Variants in EPPK1 observed in about 807,000 individuals in gnomAD.
EPPK1 encodes the protein epiplakin.
For synonymous variants in EPPK1, 1,862 were observed against 1,721.2 expected, an observed-to-expected ratio of 1.08 and a Z score of -2.03; for missense variants, 3,823 against 3,673.3, an observed-to-expected ratio of 1.04 and a Z score of -1.05.
In EPPK1 at chr8:143,871,302, C is replaced by T; in HGVS notation, c.1952G>A (p.Gly651Asp). The change falls in exon 2 of 2, where the codon GGC (glycine) becomes GAC (aspartate). Residue 651 changes from glycine (G) to aspartate (D), a missense_variant. Coordinates refer to ENST00000615648, the MANE Select transcript of EPPK1 (RefSeq NM_031308.4). ...GTTTGCTTTTGGGTCGATGATGAAG[C>T]CTGTGGCAGCTTGTGCCTCCAGAAG... ...LILLEAQAATGFIIDPKANKG... is the reference protein window; with the variant it reads ...LILLEAQAATDFIIDPKANKG... 1 of 1,612,482 alleles carries T rather than the reference C, an allele frequency of 6.2e-7. No homozygotes were observed. The highest frequency in any genetic ancestry group is 1.1e-5 in the South Asian group (1 of 91,018).
chr8:143,867,085 G>C lies in EPPK1; in HGVS notation c.6169C>G (p.Pro2057Ala). ...QKHMRKRFVD[P>A]NTQEKVSYRE... Reference sequence around the variant, plus strand: ...TACGAGACCTTCTCTTGCGTGTTCGGGTCCACAAACCGTTTCCTCATGTGC... The same window carrying C: ...TACGAGACCTTCTCTTGCGTGTTCGCGTCCACAAACCGTTTCCTCATGTGC... Residue 2057 changes from proline to alanine, a missense_variant, in exon 2 of 2, where the codon CCG (proline) becomes GCG (alanine). By Grantham distance (27) the Pro-to-Ala change is conservative. Coordinates refer to ENST00000615648, the MANE Select transcript of EPPK1 (RefSeq NM_031308.4). 6.2e-7 allele frequency: 1 copy of C among 1,612,934 alleles called. No individual in the cohort carries two copies. The highest frequency in any genetic ancestry group is 8.5e-7 in the Non-Finnish European group (1 of 1,179,864).
Position 143,870,897 on chromosome 8 carries a change from A to C in EPPK1, c.2357T>G (p.Val786Gly), listed in dbSNP as rs781929359. ...LTYLQLLERCVRDPETGLYLL... is the reference protein window; with the variant it reads ...LTYLQLLERCGRDPETGLYLL... ...GTACAGGCCCGTCTCGGGGTCACGCACACAGCGCTCCAGAAGCTGCAGGTA... is the reference window on the plus strand; with the variant it reads ...GTACAGGCCCGTCTCGGGGTCACGCCCACAGCGCTCCAGAAGCTGCAGGTA... The change falls in exon 2 of 2, where the codon GTG becomes GGG. Residue 786 changes from valine to glycine, a missense_variant. Val to Gly is a moderately radical substitution (Grantham distance 109). Transcript: ENST00000615648. This position sits in a 1 kb window ranked among gnomAD's most constrained non-coding sequence, Gnocchi z 5.2. 1.4e-5 allele frequency: 23 copies of C among 1,613,106 alleles called. No homozygotes were observed. The highest frequency in any genetic ancestry group is 1.7e-5 in the Non-Finnish European group (20 of 1,179,996).
In EPPK1 at chr8:143,869,376, A is replaced by G; in HGVS notation, c.3878T>C (p.Leu1293Pro). ...CTCCACTGACAGTCTCTGGTTGTTC[A>G]GGGGGTCAACAAGGAAGCCAGATGC... is the stretch of plus-strand genomic sequence containing the variant. ...QVASGFLVDP[L>P]NNQRLSVEDA... The change falls in exon 2 of 2, where the codon CTG (leucine) becomes CCG (proline). Residue 1293 changes from leucine to proline, a missense_variant. Coordinates refer to ENST00000615648, the MANE Select transcript of EPPK1 (RefSeq NM_031308.4). 6.2e-7 allele frequency: 1 copy of G among 1,610,590 alleles called. No homozygotes were observed. The highest frequency in any genetic ancestry group is 8.5e-7 in the Non-Finnish European group (1 of 1,179,088).
Position 143,873,056 on chromosome 8 carries a change from C to T in EPPK1, c.198G>A (p.Leu66=). ...GCAGAGCCTGCCCGAGCCCAGCAGG[C>T]AGGAGGCCCTGCTCCATGGCGGCGT... ...SVYAAMEQGL[L]PAGLGQALLE... Residue 66 remains leucine (L), a synonymous_variant, in exon 2 of 2, where the codon CTG becomes CTA. Transcript: ENST00000615648. 1.3e-6 allele frequency: 2 copies of T among 1,562,146 alleles called. No individual in the cohort carries two copies. The highest frequency in any genetic ancestry group is 1.7e-6 in the Non-Finnish European group (2 of 1,153,426).
rs111717556 is a variant in EPPK1 at position 143,868,191 on chromosome 8, C to T, written c.5063G>A (p.Gly1688Asp). The part of the protein sequence containing the change: ...IRLLEAQIAT[G>D]GIIDPVHSHR... ...GCTGTGCACGGGGTCGATGATGCCGCCCGTGGCGATCTGGGCCTCCAGCAG... is the reference window on the plus strand; with the variant it reads ...GCTGTGCACGGGGTCGATGATGCCGTCCGTGGCGATCTGGGCCTCCAGCAG... Residue 1688 changes from glycine to aspartate, a missense_variant, in exon 2 of 2, where the codon GGC becomes GAC. Physicochemically the swap from Gly to Asp is moderately conservative, Grantham distance 94. Coordinates refer to ENST00000615648, the MANE Select transcript of EPPK1 (RefSeq NM_031308.4). The T allele has an allele frequency of 1.2e-6, 2 of 1,613,064 alleles. No individual in the cohort carries two copies.
At position 143,867,486 on chromosome 8, in the gene EPPK1, G is replaced by C. The variant is rs200778068; in HGVS notation, c.5768C>G (p.Pro1923Arg). 200 of 1,612,530 alleles carry C rather than the reference G, an allele frequency of 1.2e-4. No individual in the cohort carries two copies. Among genetic ancestry groups the C allele is most frequent in the Admixed American group, 1.7e-5 (1 of 60,008 alleles). The change falls in exon 2 of 2, where the codon CCT becomes CGT. Residue 1923 changes from proline (P) to arginine (R), a missense_variant. Pro to Arg is a moderately radical substitution (Grantham distance 103). Transcript: ENST00000615648. ...CAGCAGCCAAGTCGCAAATGCTGCA[G>C]GGATGAGCTCCTTCCTGCTGGCCTC... ...LHEASRKELI[P>R]AAFATWLLEA...
intron 1 of EPPK1, among the ~76,000 whole-genome samples, chr8:143,877,320 C>T: frequency 6.6e-6 from 1 of 151,878 alleles, no homozygotes; most frequent in Non-Finnish European, 1.5e-5. Flanking sequence ...GACAGAGGGT[C>T]CGGAGCGAGG....
intron 1 of EPPK1, among the ~76,000 whole-genome samples, chr8:143,877,487 C>T (rs1006464603): frequency 1.3e-5 from 2 of 152,188 alleles, no homozygotes; most frequent in African/African-American, 4.8e-5. Context: ...GTGGATTCCC[C>T]ACTTCAGGTG....
rs1819285248 is a variant in EPPK1 at position 143,870,001 on chromosome 8, G to A, written c.3253C>T (p.Pro1085Ser). Residue 1085 changes from proline (P) to serine (S), a missense_variant, in exon 2 of 2, where the codon CCC (proline) becomes TCC (serine). Physicochemically the swap from Pro to Ser is moderately conservative, Grantham distance 74. Coordinates refer to ENST00000615648, the MANE Select transcript of EPPK1 (RefSeq NM_031308.4). The surrounding 1 kb of genome is among the most constrained non-coding windows in gnomAD (Gnocchi z 5.2). ...TALSSSSETF[P>S]TPDGQGRTSY... ...GTGCGCCCCTGGCCGTCCGGTGTGG[G>A]GAAGGTTTCGGAGGAGCTGGACAAG... The A allele has an allele frequency of 6.2e-7, 1 of 1,609,476 alleles. No homozygotes were observed. Among genetic ancestry groups the A allele is most frequent in the African/African-American group, 1.3e-5 (1 of 74,932 alleles).
chr8:143,871,847 TGA>T lies in EPPK1; in HGVS notation c.1405_1406del (p.Ser469ArgfsTer48). On this transcript the variant is annotated frameshift_variant, in exon 2 of 2. Coordinates refer to ENST00000615648, the MANE Select transcript of EPPK1 (RefSeq NM_031308.4). LOFTEE classifies it low-confidence loss of function (END_TRUNC). ...PETGLAFLPLSGGPRGGEPQG... is the reference protein window; with the variant it reads ...PETGLAFLPLXGGPRGGEPQG... Reference sequence around the variant, plus strand: ...GGGGCTCCCCTCCCCGGGGTCCCCCTGAGAGTGGCAGGAAGGCAAGCCCGGTC... The same window carrying T: ...GGGGCTCCCCTCCCCGGGGTCCCCCTGAGTGGCAGGAAGGCAAGCCCGGTC... 6.2e-7 allele frequency: 1 copy of T among 1,612,248 alleles called. No individual in the cohort carries two copies. The highest frequency in any genetic ancestry group is 8.5e-7 in the Non-Finnish European group (1 of 1,179,788).
At position 143,858,430 on chromosome 8, in the gene EPPK1, CGATGACGAAGCCGGT is replaced by C; in HGVS notation, c.14809_14823del (p.Thr4937_Ile4941del). On this transcript the variant is annotated inframe_deletion, in exon 2 of 2. Coordinates refer to ENST00000615648, the MANE Select transcript of EPPK1 (RefSeq NM_031308.4). The stretch of plus-strand genomic sequence containing the variant: ...GACAGCCTCAGGTTGCGCACGGGGT[CGATGACGAAGCCGGT>C]GGCCGCCTGCGCCTCCAGCAGCACC... The C allele has an allele frequency of 1.1e-6, 1 of 944,586 alleles. No individual in the cohort carries two copies. Among genetic ancestry groups the C allele is most frequent in the Non-Finnish European group, 1.5e-6 (1 of 683,314 alleles). 58.5% of individuals were successfully genotyped at this position (944,586 alleles called of 1,614,324 possible). A position where few individuals can be genotyped will look rare whatever the true frequency, so the allele number is the denominator to read the frequency against.
Position 143,868,986 on chromosome 8 carries a change from C to T in EPPK1, c.4268G>A (p.Cys1423Tyr). 4 of 1,610,224 alleles carry T rather than the reference C, an allele frequency of 2.5e-6. No homozygotes were observed. Among genetic ancestry groups the T allele is most frequent in the Middle Eastern group, 1.6e-4 (1 of 6,062 alleles). Reference sequence around the variant, plus strand: ...CAGCAACAATCCGGTCTCGGAGTCGCACACGCAGCGCTCCCTGAGCTGCTG... The same window carrying T: ...CAGCAACAATCCGGTCTCGGAGTCGTACACGCAGCGCTCCCTGAGCTGCTG... ...TYQQLRERCV[C>Y]DSETGLLLLP... is the part of the protein sequence containing the mutation. Residue 1423 changes from cysteine (C) to tyrosine (Y), a missense_variant, in exon 2 of 2, where the codon TGC (cysteine) becomes TAC (tyrosine). Cys to Tyr is a radical substitution (Grantham distance 194). Coordinates refer to ENST00000615648, the MANE Select transcript of EPPK1 (RefSeq NM_031308.4).
rs911900234 is a variant in EPPK1, at chr8:143,872,819, G to C, written c.435C>G (p.Ala145=). Residue 145 remains alanine, a synonymous_variant, in exon 2 of 2, where the codon GCC becomes GCG. Coordinates refer to ENST00000615648, the MANE Select transcript of EPPK1 (RefSeq NM_031308.4). ...GGACCTCCAGCCAGCTCTGCCCCAG[G>C]GCCCTGTCCACAACCTCCTTCCCGA... ...QAIGKEVVDR[A]LGQSWLEVQL... 3 of 1,562,494 alleles carry C rather than the reference G, an allele frequency of 1.9e-6. No homozygotes were observed. In the South Asian group the frequency reaches 3.6e-5, roughly 19 times the overall value.
chr8:143,871,521 A>T lies in EPPK1; in HGVS notation c.1733T>A (p.Ile578Asn). 6.2e-7 allele frequency: 1 copy of T among 1,610,016 alleles called. No homozygotes were observed. The highest frequency in any genetic ancestry group is 8.5e-7 in the Non-Finnish European group (1 of 1,178,944). ...TPGELLKAEIIDQDLYERLEH... is the reference protein window; with the variant it reads ...TPGELLKAEINDQDLYERLEH... ...CAGCCGCTCGTACAGGTCCTGGTCGATGATCTCGGCTTTCAGCAGCTCTCC... is the reference window on the plus strand; with the variant it reads ...CAGCCGCTCGTACAGGTCCTGGTCGTTGATCTCGGCTTTCAGCAGCTCTCC... The change falls in exon 2 of 2, where the codon ATC becomes AAC. Residue 578 changes from isoleucine to asparagine, a missense_variant. Transcript: ENST00000615648.
At chr8:143,877,322 G>A (rs555495696) in intron 1 of EPPK1, among the ~76,000 whole-genome samples, 59 of 152,252 alleles carry the variant, frequency 3.9e-4, no homozygotes, top group Middle Eastern at 3.4e-3. Flanking sequence ...CAGAGGGTCC[G>A]GAGCGAGGGG....
At chr8:143,878,107 C>T (rs1320587868) in intron 1 of EPPK1, among the ~76,000 whole-genome samples, 2 of 152,042 alleles carry the variant, frequency 1.3e-5, no homozygotes, top group South Asian at 2.1e-4. Flanking sequence ...AACCGCTGGG[C>T]CTGCGAGACC....
Position 143,871,465 on chromosome 8 carries a change from C to T in EPPK1, c.1789G>A (p.Gly597Ser). The change falls in exon 2 of 2, where the codon GGC (glycine) becomes AGC (serine). Residue 597 changes from glycine (G) to serine (S), a missense_variant. Gly to Ser is a moderately conservative substitution (Grantham distance 56). Transcript: ENST00000615648. ...EHGQATAKDVGSLASVQRYLQ... is the reference protein window; with the variant it reads ...EHGQATAKDVSSLASVQRYLQ... ...TACCTCTGCACCGAGGCCAGGCTGC[C>T]CACATCCTTGGCTGTGGCCTGTCCA... 2 of 1,608,356 alleles carry T rather than the reference C, an allele frequency of 1.2e-6. No homozygotes were observed. Among genetic ancestry groups the T allele is most frequent in the South Asian group, 1.1e-5 (1 of 90,284 alleles).
rs1554660490 is a variant in EPPK1 at position 143,869,734 on chromosome 8, G to A, written c.3520C>T (p.Gln1174Ter). 1.2e-6 allele frequency: 2 copies of A among 1,600,430 alleles called. No individual in the cohort carries two copies. The highest frequency in any genetic ancestry group is 1.7e-6 in the Non-Finnish European group (2 of 1,174,472). Residue 1174 changes from glutamine to a stop codon, truncating the protein, a stop_gained, in exon 2 of 2, where the codon CAG becomes TAG. Transcript: ENST00000615648. LOFTEE classifies it low-confidence loss of function (END_TRUNC). ...CACCTCTGCACAGAGGCTAGCAGCT[G>A]TGGCACAGTGGTCCTCCCCTCCTGC... is the stretch of plus-strand genomic sequence containing the variant. Reference protein sequence around the residue: ...DVQEGRTTVPQLLASVQRWVQ... With the variant: ...DVQEGRTTVP
intron 1 of EPPK1, among the ~76,000 whole-genome samples, chr8:143,875,450 C>T (rs1448914487): frequency 2.0e-5 from 3 of 152,250 alleles, no homozygotes; most frequent in Admixed American, 6.5e-5. Context: ...CAGGAGGGCT[C>T]ACCATCACCT....
Sources: allele counts gnomAD v4.1 joint callset (sites outside exome capture counted in the v4.1 genomes callset), GRCh38; gene constraint gnomAD v4.1.1; non-coding constraint Gnocchi (gnomAD v3.1); transcripts MANE v1.5; gene names NCBI Gene and HGNC (gene_info 2026-07-23, HGNC 2026-07-21).